PDE4D: variants seen among roughly 807,000 people sequenced by gnomAD.
The protein encoded by PDE4D is phosphodiesterase 4D.
In PDE4D, 24 loss-of-function variants were observed where a neutral mutation model predicts 87.4. That is an observed-to-expected ratio of 0.27 (90% confidence interval 0.20 to 0.39). PDE4D has a LOEUF of 0.39. Among genes scored for constraint, PDE4D ranks in the 10% least tolerant of loss-of-function variants. The pLI is 1.00. For synonymous variants in PDE4D, 384 were observed against 383.2 expected (o/e 1.00, Z -0.02); for missense variants, 714 against 1,041.0 (o/e 0.69, Z 4.32).
chr5:59,285,947 C>CA (rs1452241757), intron 1 of PDE4D, among the ~76,000 whole-genome samples: 1 of 152,156 alleles, frequency 6.6e-6, no homozygotes, highest in Non-Finnish European at 1.5e-5. Context: ...GTCCAATCTG[C>CA]AACCCCTCAC....
intron 1 of PDE4D, among the ~76,000 whole-genome samples, chr5:59,493,886 A>G (rs969059274): frequency 6.6e-6 from 1 of 152,244 alleles, no homozygotes; most frequent in African/African-American, 2.4e-5. Flanking sequence ...AAGGTGGAAC[A>G]TACGTCTGAG....
At chr5:59,471,234 G>A (rs1039933242) in intron 1 of PDE4D, among the ~76,000 whole-genome samples, 1 of 152,144 alleles carries the variant, frequency 6.6e-6, no homozygotes, top group African/African-American at 2.4e-5. Flanking sequence ...AATAGAGTGA[G>A]GCCCTGTCTC....
At chr5:58,977,117 C>T in intron 12 of PDE4D, 74 bp downstream of exon 12, 1 of 1,351,752 alleles carries the variant, frequency 7.4e-7, no homozygotes. Context: ...ACCTAATACT[C>T]ATCTTGTTCT....
At chr5:60,219,484 C>T (rs1448890802) in intron 1 of PDE4D, among the ~76,000 whole-genome samples, 1 of 152,126 alleles carries the variant, frequency 6.6e-6, no homozygotes, top group East Asian at 1.9e-4. Context: ...AGAAAGTTTT[C>T]AATACTTGCT....
intron 3 of PDE4D, among the ~76,000 whole-genome samples, chr5:59,939,592 A>T (rs577496072): frequency 1.3e-5 from 2 of 152,258 alleles, no homozygotes; most frequent in South Asian, 4.2e-4. Context: ...TTTCTGAGGA[A>T]GAGATTTCTG....
intron 1 of PDE4D, among the ~76,000 whole-genome samples, chr5:60,420,486 G>T (rs934633886): frequency 6.6e-6 from 1 of 152,124 alleles, no homozygotes; most frequent in Non-Finnish European, 1.5e-5. Context: ...AAATTCTTCA[G>T]AAGAAAATAA....
At chr5:60,271,521 G>A (rs1203633028) in intron 1 of PDE4D, among the ~76,000 whole-genome samples, 1 of 152,124 alleles carries the variant, frequency 6.6e-6, no homozygotes, top group African/African-American at 2.4e-5. Context: ...CCCATAATAA[G>A]TGAGAGGAAA....
intron 1 of PDE4D, among the ~76,000 whole-genome samples, chr5:59,493,200 C>G (rs934537457): frequency 6.6e-6 from 1 of 151,912 alleles, no homozygotes; most frequent in Non-Finnish European, 1.5e-5. Flanking sequence ...ACTGGGGACC[C>G]AGAAAAAAGA....
intron 2 of PDE4D, among the ~76,000 whole-genome samples, chr5:60,084,248 C>T (rs1449142751): frequency 2.0e-5 from 3 of 152,038 alleles, no homozygotes; most frequent in African/African-American, 4.8e-5. Flanking sequence ...AGTGGGGTGC[C>T]AAAGGGATTT....
chr5:59,834,056 C>A (rs1741645668), intron 1 of PDE4D, among the ~76,000 whole-genome samples: 1 of 152,030 alleles, frequency 6.6e-6, no homozygotes, highest in Admixed American at 6.6e-5. Flanking sequence ...GACTGCCCTA[C>A]AGAATTAAAG....
At chr5:59,164,791 G>T (rs1356795061) in intron 5 of PDE4D, among the ~76,000 whole-genome samples, 1 of 152,162 alleles carries the variant, frequency 6.6e-6, no homozygotes, top group Non-Finnish European at 1.5e-5. Context: ...AGGAAGGCAT[G>T]ATTGCACCCA....
At chr5:59,153,424 G>A (rs1187970477) in intron 5 of PDE4D, among the ~76,000 whole-genome samples, 4 of 152,166 alleles carry the variant, frequency 2.6e-5, no homozygotes, top group Non-Finnish European at 5.9e-5. Flanking sequence ...ATTCTGCTCA[G>A]AGGGCTGACA....
At chr5:60,233,334 T>C (rs1455589629) in intron 1 of PDE4D, among the ~76,000 whole-genome samples, 2 of 151,786 alleles carry the variant, frequency 1.3e-5, no homozygotes, top group South Asian at 4.1e-4. Flanking sequence ...ACTCTTCTAA[T>C]GTTAAAACTT....
intron 1 of PDE4D, among the ~76,000 whole-genome samples, chr5:59,567,057 T>G (rs1053324454): frequency 6.6e-6 from 1 of 152,220 alleles, no homozygotes; most frequent in Non-Finnish European, 1.5e-5. Context: ...AATGTAAGAA[T>G]TAAATGCAAA....
intron 1 of PDE4D, among the ~76,000 whole-genome samples, chr5:59,258,424 T>A (rs951589712): frequency 6.6e-6 from 1 of 151,952 alleles, no homozygotes. Flanking sequence ...GGAGGCACCA[T>A]TGCATCTCCA....
rs929951149 is a variant in PDE4D, at chr5:59,128,585, A to G, written c.808+52010T>C. ...CATTTGGGAAATGTCTACAGTTCAAATTAAGATGTTTAGAGTCAAGGTCAT... is the reference window on the plus strand; with the variant it reads ...CATTTGGGAAATGTCTACAGTTCAAGTTAAGATGTTTAGAGTCAAGGTCAT... On this transcript the variant is annotated intron_variant, in intron 5 of 14. Coordinates refer to ENST00000340635, the MANE Select transcript of PDE4D (RefSeq NM_001104631.2). 2.0e-5 allele frequency among the ~76,000 whole-genome samples: 3 copies of G among 152,206 alleles called. No homozygotes were observed. The East Asian group carries it at 5.8e-4, about 29-fold the overall frequency.
chr5:59,825,129 T>C (rs1248049002), intron 1 of PDE4D, among the ~76,000 whole-genome samples: 9 of 152,188 alleles, frequency 5.9e-5, no homozygotes, highest in Non-Finnish European at 2.9e-5. Flanking sequence ...CAACTGTCCT[T>C]ACCCCAGAGA....
At chr5:60,454,926 G>T (rs935718092) in intron 1 of PDE4D, among the ~76,000 whole-genome samples, 4 of 151,964 alleles carry the variant, frequency 2.6e-5, no homozygotes, top group Admixed American at 6.6e-5. Context: ...GGGGAAGAAA[G>T]TGAGAGAGAA....
intron 2 of PDE4D, among the ~76,000 whole-genome samples, chr5:60,006,525 T>C (rs1764492656): frequency 6.6e-6 from 1 of 151,886 alleles, no homozygotes; most frequent in African/African-American, 2.4e-5. Context: ...GGTTAAGCAA[T>C]ATGTCCCCCA....
Sources: gnomAD v4.1 joint callset for allele counts (sites outside exome capture counted in the v4.1 genomes callset) on GRCh38, gnomAD v4.1.1 for gene constraint, MANE v1.5 for transcripts, NCBI Gene and HGNC (gene_info 2026-07-23, HGNC 2026-07-21) for gene names.